Variants in ACSS3 observed in about 807,000 individuals in gnomAD.
The protein encoded by ACSS3 is acyl-CoA synthetase short-chain family member 3, mitochondrial.
A neutral mutation model predicts 84.2 loss-of-function variants in ACSS3; 64 were observed. That is an observed-to-expected ratio of 0.76 (90% CI 0.62 to 0.94). The LOEUF (loss-of-function observed/expected upper bound fraction) is 0.94, where lower values mean the gene tolerates loss of function less well. Among genes scored for constraint, ACSS3 ranks in the 40% least tolerant of loss-of-function variants. The pLI, the probability that ACSS3 is intolerant of heterozygous loss-of-function variation, is 0.00. For synonymous variants in ACSS3, 317 were observed against 310.1 expected (o/e 1.02, Z -0.23); for missense variants, 815 against 867.6 (o/e 0.94, Z 0.76).
chr12:81,186,940 A>G (rs1449549466), intron 8 of ACSS3, among the ~76,000 whole-genome samples: 1 of 151,830 alleles, frequency 6.6e-6, no homozygotes, highest in Non-Finnish European at 1.5e-5. Context: ...CACAATAGCA[A>G]AGGGATAGAA....
intron 1 of ACSS3, among the ~76,000 whole-genome samples, chr12:81,085,534 A>AGTT (rs1264754626): frequency 6.6e-6 from 1 of 152,218 alleles, no homozygotes; most frequent in Non-Finnish European, 1.5e-5. Flanking sequence ...CCACACAGCT[A>AGTT]GTTAGCAGAG....
intron 1 of ACSS3, among the ~76,000 whole-genome samples, chr12:81,081,547 T>G (rs1354058707): frequency 6.6e-6 from 1 of 152,210 alleles, no homozygotes; most frequent in Non-Finnish European, 1.5e-5. Context: ...TTTCTCCGGA[T>G]AGACATCCTG....
At chr12:81,090,314 C>T (rs1465223064) in intron 1 of ACSS3, among the ~76,000 whole-genome samples, 1 of 151,982 alleles carries the variant, frequency 6.6e-6, no homozygotes, top group Non-Finnish European at 1.5e-5. Context: ...ATGCTCAATG[C>T]TCATCTACAT....
rs531128252 is a variant in ACSS3 at position 81,258,721 on chromosome 12, G to C, written c.*3799G>C. ...CTAATGCCCTGTTACATTGACAAAA[G>C]GGAAAGGTATCTTGGGTTTCGTTTT... On this transcript the variant is annotated 3_prime_UTR_variant, in exon 16 of 16. Coordinates refer to ENST00000548058, the MANE Select transcript of ACSS3 (RefSeq NM_024560.4). 7 of 152,118 alleles carry C rather than the reference G, an allele frequency of 4.6e-5. No individual in the cohort carries two copies. The South Asian group carries it at 1.5e-3, about 32-fold the overall frequency. The allele number at this position is 152,118 out of a possible 1,614,324, so 9.4% of individuals were successfully genotyped here.
In ACSS3 at chr12:81,128,440, A is replaced by G. The variant is rs140803818; in HGVS notation, c.457-6376A>G. Among the ~76,000 whole-genome samples, 138 of 152,328 alleles carry G rather than the reference A, an allele frequency of 9.1e-4. 1 individual carries two copies. In the Middle Eastern group the frequency reaches 0.014, roughly 15 times the overall value. The stretch of plus-strand genomic sequence containing the variant: ...TTCCTCTAGGCTTCCTTCGCAGCCC[A>G]GTAATTCACACATTGGTAGCATAGT... On this transcript the variant is annotated intron_variant, in intron 2 of 15. Coordinates refer to ENST00000548058, the MANE Select transcript of ACSS3 (RefSeq NM_024560.4).
rs555761545 is a variant in ACSS3 at position 81,120,598 on chromosome 12, G to A, written c.456+10894G>A. ...TCACACTTTGAGTATATAAGACAAA[G>A]TATTTTTCATATAAGGTTTTCTGAA... On this transcript the variant is annotated intron_variant, in intron 2 of 15. Coordinates refer to ENST00000548058, the MANE Select transcript of ACSS3 (RefSeq NM_024560.4). Among the ~76,000 whole-genome samples, 26 of 152,164 alleles carry A rather than the reference G, an allele frequency of 1.7e-4. No individual in the cohort carries two copies. In the East Asian group the frequency reaches 4.8e-3, roughly 28 times the overall value.
chr12:81,136,869 T>G (rs1885830599), intron 3 of ACSS3, among the ~76,000 whole-genome samples: 1 of 151,914 alleles, frequency 6.6e-6, no homozygotes. Context: ...GGTCTGTTTG[T>G]GAAACAGTGG....
chr12:81,212,889 A>C (rs1021411462), intron 9 of ACSS3, among the ~76,000 whole-genome samples: 3 of 152,224 alleles, frequency 2.0e-5, no homozygotes, highest in Admixed American at 6.5e-5. Context: ...CAGGGTGAGT[A>C]TAAATGTGCT....
Position 81,226,233 on chromosome 12 carries a change from G to A in ACSS3, c.1515-4824G>A, listed in dbSNP as rs557564764. 8.7e-4 allele frequency among the ~76,000 whole-genome samples: 132 copies of A among 151,784 alleles called. 1 individual carries two copies. In the Middle Eastern group the frequency reaches 0.014, roughly 16 times the overall value. On this transcript the variant is annotated intron_variant, in intron 11 of 15. Coordinates refer to ENST00000548058, the MANE Select transcript of ACSS3 (RefSeq NM_024560.4). ...TTCATTTAACCTTGTTTAATACTAG[G>A]TCATTATTAAAACTGTATTCTAGTG... is the stretch of plus-strand genomic sequence containing the variant.
intron 1 of ACSS3, among the ~76,000 whole-genome samples, chr12:81,094,950 T>C (rs977232556): frequency 1.3e-5 from 2 of 152,178 alleles, no homozygotes; most frequent in South Asian, 2.1e-4. Context: ...CTGCTCTTTC[T>C]CTTTCTTCTC....
chr12:81,214,117 C>T (rs915416532), intron 9 of ACSS3, among the ~76,000 whole-genome samples: 2 of 149,886 alleles, frequency 1.3e-5, no homozygotes, highest in Non-Finnish European at 3.0e-5. Flanking sequence ...CTTCTGCCTG[C>T]TGAGTTCAAG....
chr12:81,252,841 C>T (rs1429625774), intron 13 of ACSS3, among the ~76,000 whole-genome samples: 2 of 152,180 alleles, frequency 1.3e-5, no homozygotes, highest in East Asian at 3.9e-4. Flanking sequence ...TGTTCACTAA[C>T]AGACTCAGAA....
Position 81,146,412 on chromosome 12 carries a change from G to A in ACSS3, c.921+3165G>A, listed in dbSNP as rs568679176. Among the ~76,000 whole-genome samples, 10 of 152,228 alleles carry A rather than the reference G, an allele frequency of 6.6e-5. No homozygotes were observed. The South Asian group carries it at 2.1e-3, about 32-fold the overall frequency. ...TGGAGCATTTAGATATAAATATGAT[G>A]TCATCATATGGTTTGTTTCCTCAAT... On this transcript the variant is annotated intron_variant, in intron 5 of 15. Transcript: ENST00000548058.
chr12:81,241,233 C>T (rs1356628161), intron 13 of ACSS3, among the ~76,000 whole-genome samples: 2 of 151,992 alleles, frequency 1.3e-5, no homozygotes, highest in African/African-American at 4.8e-5. Context: ...TCCAGTCTAT[C>T]ATTATTGGAC....
intron 13 of ACSS3, among the ~76,000 whole-genome samples, chr12:81,247,173 G>A (rs1284318783): frequency 6.6e-6 from 1 of 152,050 alleles, no homozygotes; most frequent in East Asian, 1.9e-4. Flanking sequence ...ATGTCTTTTG[G>A]TGTGTTGGCA....
intron 1 of ACSS3, among the ~76,000 whole-genome samples, chr12:81,079,162 G>C (rs1319977365): frequency 6.6e-6 from 1 of 152,186 alleles, no homozygotes; most frequent in African/African-American, 2.4e-5. Context: ...TAGAAGTCAT[G>C]GTAGGAGTAA....
chr12:81,131,813 T>G (rs1885523913), intron 2 of ACSS3, among the ~76,000 whole-genome samples: 1 of 152,176 alleles, frequency 6.6e-6, no homozygotes, highest in Admixed American at 6.5e-5. Flanking sequence ...CAATACCTAG[T>G]CTATTGAGAG....
chr12:81,181,168 A>G (rs545733084), intron 8 of ACSS3, among the ~76,000 whole-genome samples: 6 of 152,302 alleles, frequency 3.9e-5, no homozygotes, highest in African/African-American at 1.4e-4. Flanking sequence ...AGTGTTAGAA[A>G]GACAAGAACA....
intron 9 of ACSS3, among the ~76,000 whole-genome samples, chr12:81,212,448 C>G (rs1803608489): frequency 6.6e-6 from 1 of 152,176 alleles, no homozygotes; most frequent in Non-Finnish European, 1.5e-5. Context: ...GATTTTATTC[C>G]TTTCTCATCC....
Sources: gnomAD v4.1 joint callset for allele counts (sites outside exome capture counted in the v4.1 genomes callset) on GRCh38, gnomAD v4.1.1 for gene constraint, MANE v1.5 for transcripts, NCBI Gene and HGNC (gene_info 2026-07-23, HGNC 2026-07-21) for gene names.